NUP188: variants seen among roughly 807,000 people sequenced by gnomAD.
NUP188 encodes nucleoporin 188, also known as nucleoporin NUP188.
In NUP188, 97 loss-of-function variants were observed where a neutral mutation model predicts 223.0. The observed-to-expected ratio is 0.43, with a 90% CI of 0.37 to 0.51. The LOEUF (loss-of-function observed/expected upper bound fraction) is 0.51. Ranked by LOEUF, NUP188 falls within the 20% of genes least tolerant of loss-of-function variation. The pLI, the probability that NUP188 is intolerant of heterozygous loss-of-function variation, is 0.00. For missense variants in NUP188, 1,947 were observed against 2,175.6 expected (o/e 0.89, Z 2.09); for synonymous variants, 869 against 828.0 (o/e 1.05, Z -0.85).
rs748631011 is a variant in NUP188 at position 129,005,157 on chromosome 9, G to T, written c.4445G>T (p.Gly1482Val). 2 of 1,613,822 alleles carry T rather than the reference G, an allele frequency of 1.2e-6. No homozygotes were observed. Among genetic ancestry groups the T allele is most frequent in the Admixed American group, 3.3e-5 (2 of 59,994 alleles). The change falls in exon 39 of 44, where the codon GGT (glycine) becomes GTT (valine). Residue 1482 changes from glycine (G) to valine (V), a missense_variant. Gly to Val is a moderately radical substitution (Grantham distance 109). Transcript: ENST00000372577. The stretch of plus-strand genomic sequence containing the variant: ...CTGTGTCTCTCCCAGGTCAACCTGG[G>T]TTACTTGTGCCAGGCATGTACCTCT... ...QLMRDIQVNL[G>V]YLCQACTSLL...
At chr9:128,964,027 G>A (rs1378235123) in intron 8 of NUP188, among the ~76,000 whole-genome samples, 2 of 151,962 alleles carry the variant, frequency 1.3e-5, no homozygotes, top group Non-Finnish European at 1.5e-5. Context: ...TGTTAGCCAG[G>A]ATGGTCTCAA....
Position 128,949,209 on chromosome 9 carries a change from C to T in NUP188, c.53C>T (p.Thr18Ile). 6.2e-7 allele frequency: 1 copy of T among 1,613,304 alleles called. No homozygotes were observed. Among genetic ancestry groups the T allele is most frequent in the Non-Finnish European group, 8.5e-7 (1 of 1,179,468 alleles). ...PCVRSSRELW[T>I]ILLGRSALRE... ...TGCAGGAGCAGTAGAGAACTGTGGA[C>T]TATTCTGCTTGGAAGGTCAGCTCTG... The change falls in exon 2 of 44, where the codon ACT (threonine) becomes ATT (isoleucine). Residue 18 changes from threonine to isoleucine, a missense_variant. Transcript: ENST00000372577.
At chr9:128,997,173 G>A (rs1306938929) in intron 30 of NUP188, among the ~76,000 whole-genome samples, 1 of 152,182 alleles carries the variant, frequency 6.6e-6, no homozygotes, top group Non-Finnish European at 1.5e-5. Flanking sequence ...GGAGCCCGTG[G>A]AGGAGAGAAG....
At chr9:128,995,852 C>T (rs1029622800) in intron 30 of NUP188, among the ~76,000 whole-genome samples, 1 of 152,182 alleles carries the variant, frequency 6.6e-6, no homozygotes. Flanking sequence ...TGCTGTGTAC[C>T]TTGTAGATGC....
chr9:128,998,856 CTTTTTTTT>C (rs570377284), intron 32 of NUP188, among the ~76,000 whole-genome samples: 2 of 125,810 alleles, frequency 1.6e-5, no homozygotes, highest in Admixed American at 1.7e-4. Context: ...ACCCCGTATT[CTTTTTTTT>C]TTTTTTTTTT....
intron 36 of NUP188, 118 bp downstream of exon 36, chr9:129,002,094 A>G: frequency 1.3e-6 from 1 of 760,422 alleles, no homozygotes; most frequent in South Asian, 1.6e-5. Flanking sequence ...TAATACACTG[A>G]TGGTGAGGAA....
At chr9:128,966,107 T>C (rs1184420703) in intron 8 of NUP188, among the ~76,000 whole-genome samples, 1 of 150,930 alleles carries the variant, frequency 6.6e-6, no homozygotes, top group Non-Finnish European at 1.5e-5. Flanking sequence ...TCTCTCTTTT[T>C]TTAAAATAGA....
chr9:128,983,619 A>G, intron 19 of NUP188, 69 bp downstream of exon 19: 1 of 1,018,964 alleles, frequency 9.8e-7, no homozygotes, highest in Non-Finnish European at 1.5e-6. Flanking sequence ...GATCTAGCCT[A>G]GGTTTATTAA....
At chr9:128,957,893 T>C in intron 5 of NUP188, 117 bp from the exon 6 acceptor site, 1 of 774,090 alleles carries the variant, frequency 1.3e-6, no homozygotes, top group Non-Finnish European at 2.1e-6. Context: ...GGAAAGTATA[T>C]GTAGAAACAA....
intron 12 of NUP188, among the ~76,000 whole-genome samples, chr9:128,974,062 C>T (rs1202373769): frequency 1.3e-5 from 2 of 152,062 alleles, no homozygotes; most frequent in Non-Finnish European, 2.9e-5. Flanking sequence ...AGGTGCCTGC[C>T]ACCGCGCCCG....
At chr9:128,964,706 A>AT (rs112671736) in intron 8 of NUP188, among the ~76,000 whole-genome samples, 5,377 of 129,478 alleles carry the variant, frequency 0.042, 125 homozygotes, top group Non-Finnish European at 0.054. Flanking sequence ...TTTAATTTTA[A>AT]TTTTTTTTTT....
At chr9:128,961,973 G>A (rs1449438201) in intron 8 of NUP188, among the ~76,000 whole-genome samples, 1 of 144,892 alleles carries the variant, frequency 6.9e-6, no homozygotes, top group Non-Finnish European at 1.5e-5. Flanking sequence ...TTTTACTCTT[G>A]TTGCCCAGGC....
At chr9:128,972,219 A>G (rs944368742) in intron 11 of NUP188, among the ~76,000 whole-genome samples, 8 of 152,268 alleles carry the variant, frequency 5.3e-5, no homozygotes, top group African/African-American at 1.9e-4. Context: ...TTCAGTAAGT[A>G]TAACTAAACT....
At position 128,983,499 on chromosome 9, in the gene NUP188, GT is replaced by G; in HGVS notation, c.1916del (p.Leu639TyrfsTer11). 1 of 1,614,072 alleles carries G rather than the reference GT, an allele frequency of 6.2e-7. No individual in the cohort carries two copies. The highest frequency in any genetic ancestry group is 8.5e-7 in the Non-Finnish European group (1 of 1,180,006). On this transcript the variant is annotated frameshift_variant, in exon 19 of 44. Coordinates refer to ENST00000372577, the MANE Select transcript of NUP188 (RefSeq NM_015354.3). LOFTEE classifies it high-confidence loss of function. ...AKVWTDLRHT[G>X]FLPFVAHPVS... Reference sequence around the variant, plus strand: ...GTCTGGACTGATCTTCGTCACACAGGTTTTTTACCATTTGTGGCCCATCCTG... The same window carrying G: ...GTCTGGACTGATCTTCGTCACACAGGTTTTTACCATTTGTGGCCCATCCTG...
At chr9:128,974,389 GTTTTTTTTT>G (rs778841218) in intron 12 of NUP188, among the ~76,000 whole-genome samples, 1 of 113,352 alleles carries the variant, frequency 8.8e-6, no homozygotes, top group Admixed American at 9.1e-5. Flanking sequence ...GCAGGTTGTT[GTTTTTTTTT>G]TTTTTTTTTT....
intron 19 of NUP188, among the ~76,000 whole-genome samples, chr9:128,984,426 G>A (rs752978391): frequency 4.7e-4 from 72 of 152,190 alleles, no homozygotes; most frequent in Admixed American, 1.6e-3. Context: ...GTGCCCGGCC[G>A]AGAGCAAGAG....
At chr9:128,991,162 C>CTTTTTT (rs78549616) in intron 25 of NUP188, among the ~76,000 whole-genome samples, 6 of 123,480 alleles carry the variant, frequency 4.9e-5, no homozygotes, top group Non-Finnish European at 6.8e-5. Flanking sequence ...CTCCAGATTT[C>CTTTTTT]TTTTTTTTTT....
Position 128,995,437 on chromosome 9 carries a change from A to G in NUP188, c.3274A>G (p.Ser1092Gly), listed in dbSNP as rs759680239. Residue 1092 changes from serine to glycine, a missense_variant, in exon 30 of 44, where the codon AGC becomes GGC. By Grantham distance (56) the Ser-to-Gly change is moderately conservative. Around this residue, in one of 3 missense-constraint regions of NUP188, gnomAD observed 905 missense variants for 990.6 expected, o/e 0.91. Coordinates refer to ENST00000372577, the MANE Select transcript of NUP188 (RefSeq NM_015354.3). ...AGTTCACGTGGCCGAAACAGAAGGC[A>G]GCAGCTGCACCTCCTTGTTAGAGTA... ...LAVHVAETEG[S>G]SCTSLLEYQM... 6.2e-7 allele frequency: 1 copy of G among 1,613,966 alleles called. No homozygotes were observed. Among genetic ancestry groups the G allele is most frequent in the Non-Finnish European group, 8.5e-7 (1 of 1,179,918 alleles).
intron 41 of NUP188, 106 bp from the exon 42 acceptor site, chr9:129,005,944 G>A: frequency 1.4e-5 from 20 of 1,420,920 alleles, no homozygotes; most frequent in Non-Finnish European, 2.0e-5. Context: ...AGGATTAAAT[G>A]AGGTAACTGA....
Sources: allele counts gnomAD v4.1 joint callset (sites outside exome capture counted in the v4.1 genomes callset), GRCh38; gene constraint gnomAD v4.1.1; regional missense constraint gnomAD v4.1.1; transcripts MANE v1.5; gene names NCBI Gene and HGNC (gene_info 2026-07-23, HGNC 2026-07-21).